Variants in ZXDC observed in about 807,000 individuals in gnomAD.
ZXDC encodes ZXD family zinc finger C.
ZXDC carries 58 observed loss-of-function variants against 63.6 expected under a neutral mutation model. The ratio of observed to expected loss-of-function variants is 0.91; its 90% CI spans 0.74 to 1.13. The LOEUF is 1.13. ZXDC is among the 50% of genes most tolerant of loss of function. ZXDC has a pLI of 0.00. For synonymous variants in ZXDC, 561 were observed against 496.1 expected, an observed-to-expected ratio of 1.13 and a Z score of -1.74; for missense variants, 1,133 against 1,148.9, an observed-to-expected ratio of 0.99 and a Z score of 0.20.
chr3:126,471,772 TAC>T (rs1560106036), intron 3 of ZXDC, among the ~76,000 whole-genome samples, 199 bp downstream of exon 3: 2 of 152,246 alleles, frequency 1.3e-5, no homozygotes, highest in East Asian at 3.9e-4. Context: ...AAAAAAAGTA[TAC>T]ACAGAAAAAA....
chr3:126,446,956 T>C (rs572080322), intron 7 of ZXDC, among the ~76,000 whole-genome samples: 1 of 152,258 alleles, frequency 6.6e-6, no homozygotes, highest in East Asian at 1.9e-4. Flanking sequence ...CCCACAATGA[T>C]CTCTTCCAGA....
chr3:126,475,406 C>G lies in ZXDC; in HGVS notation c.460G>C (p.Ala154Pro). 1 of 1,185,282 alleles carries G rather than the reference C, an allele frequency of 8.4e-7. No individual in the cohort carries two copies. The highest frequency in any genetic ancestry group is 1.0e-6 in the Non-Finnish European group (1 of 956,938). The allele number at this position is 1,185,282 out of a possible 1,614,324, so 73.4% of individuals were successfully genotyped here. A position where few individuals can be genotyped will look rare whatever the true frequency, so the allele number is the denominator to read the frequency against. ...CGGGGAGCGGCGGCGCCCGCGGTTG[C>G]GGGGCCGGGCGGCGCAGACAGCGCG... Reference protein sequence around the residue: ...VLALSAPPGPATAGAAAPRRA... With the variant: ...VLALSAPPGPPTAGAAAPRRA... The change falls in exon 1 of 10, where the codon GCA becomes CCA. Residue 154 changes from alanine (A) to proline (P), a missense_variant. Coordinates refer to ENST00000389709, the MANE Select transcript of ZXDC (RefSeq NM_025112.5).
At chr3:126,467,471 C>T (rs547707700) in intron 4 of ZXDC, among the ~76,000 whole-genome samples, 7 of 152,294 alleles carry the variant, frequency 4.6e-5, no homozygotes, top group East Asian at 1.9e-4. Flanking sequence ...GACGCACTCG[C>T]GGCACCTTCT....
At chr3:126,469,230 C>T (rs928199019) in intron 4 of ZXDC, among the ~76,000 whole-genome samples, 1 of 152,202 alleles carries the variant, frequency 6.6e-6, no homozygotes, top group Non-Finnish European at 1.5e-5. Flanking sequence ...TCCATTTATA[C>T]TCTTCTTTGA....
chr3:126,468,498 C>T (rs1459161154), intron 4 of ZXDC, among the ~76,000 whole-genome samples: 3 of 152,150 alleles, frequency 2.0e-5, no homozygotes, highest in African/African-American at 4.8e-5. Flanking sequence ...TCCATCTCCA[C>T]GTGCTGCCCA....
chr3:126,465,802 T>A (rs1934734416), intron 5 of ZXDC, among the ~76,000 whole-genome samples: 2 of 151,918 alleles, frequency 1.3e-5, no homozygotes, highest in Non-Finnish European at 2.9e-5. Flanking sequence ...AATGCAAAAA[T>A]TAGCTGGGCA....
In ZXDC at chr3:126,466,152, G is replaced by C; in HGVS notation, c.1441+3C>G. On this transcript the variant is annotated splice_donor_region_variant and intron_variant, in intron 5 of 9. Transcript: ENST00000389709. ...CCCCATGGGGGCCGTGGAAAGTGCAGACCTTGGCGCCGGCTGTGCTGTCTG... is the reference window on the plus strand; with the variant it reads ...CCCCATGGGGGCCGTGGAAAGTGCACACCTTGGCGCCGGCTGTGCTGTCTG... 6.2e-7 allele frequency: 1 copy of C among 1,612,238 alleles called. No homozygotes were observed. Among genetic ancestry groups the C allele is most frequent in the South Asian group, 1.1e-5 (1 of 91,052 alleles).
intron 7 of ZXDC, among the ~76,000 whole-genome samples, chr3:126,446,375 C>A (rs1340100546): frequency 6.6e-6 from 1 of 152,172 alleles, no homozygotes; most frequent in African/African-American, 2.4e-5. Context: ...CCATCATCTG[C>A]GGTGAATGGA....
At chr3:126,440,871 C>A (rs1933648449) in intron 8 of ZXDC, 1 of 985,668 alleles carries the variant, frequency 1.0e-6, no homozygotes, top group African/African-American at 1.7e-5. Context: ...GGTCCTGTTT[C>A]CTTGGCGAGA....
intron 7 of ZXDC, chr3:126,450,235 C>T (rs777536978): frequency 1.8e-4 from 77 of 423,334 alleles, no homozygotes; most frequent in Admixed American, 5.2e-4. Context: ...CCTGCCAGGG[C>T]TCCAACCTTG....
intron 8 of ZXDC, 132 bp from the exon 9 acceptor site, chr3:126,439,859 C>T: frequency 1.3e-5 from 19 of 1,441,846 alleles, no homozygotes; most frequent in Non-Finnish European, 1.6e-5. Flanking sequence ...CCAAGGGAGG[C>T]CCGAGGACCC....
chr3:126,464,220 T>G (rs1176572055), intron 5 of ZXDC, among the ~76,000 whole-genome samples: 1 of 152,206 alleles, frequency 6.6e-6, no homozygotes, highest in Non-Finnish European at 1.5e-5. Flanking sequence ...GGGCCAGATA[T>G]TAACACAATC....
At chr3:126,461,510 G>C (rs1357741510) in intron 6 of ZXDC, 25 bp downstream of exon 6, 8 of 1,586,840 alleles carry the variant, frequency 5.0e-6, no homozygotes, top group Admixed American at 1.7e-5. Context: ...CCTATATGGT[G>C]GTGACTGAAT....
chr3:126,438,806 C>T (rs1194454706), intron 9 of ZXDC, among the ~76,000 whole-genome samples: 4 of 152,212 alleles, frequency 2.6e-5, no homozygotes, highest in Admixed American at 1.3e-4. Context: ...GGTGTCCGTC[C>T]GCCTGTGCCC....
In ZXDC at chr3:126,449,610, G is replaced by T. The variant is rs575231659; in HGVS notation, c.2213-7664C>A. Reference sequence around the variant, plus strand: ...CTCTACAAATCATCGCTCTGGCTGTGTGTGGCAAAGTCAATTCCATTTCTT... The same window carrying T: ...CTCTACAAATCATCGCTCTGGCTGTTTGTGGCAAAGTCAATTCCATTTCTT... On this transcript the variant is annotated intron_variant, in intron 7 of 9. Coordinates refer to ENST00000389709, the MANE Select transcript of ZXDC (RefSeq NM_025112.5). Among the ~76,000 whole-genome samples, 134 of 152,220 alleles carry T rather than the reference G, an allele frequency of 8.8e-4. 1 individual carries two copies. Among genetic ancestry groups the T allele is most frequent in the Non-Finnish European group, 1.7e-3 (114 of 68,038 alleles).
chr3:126,467,842 C>T (rs1934833299), intron 4 of ZXDC, among the ~76,000 whole-genome samples: 1 of 152,146 alleles, frequency 6.6e-6, no homozygotes, highest in African/African-American at 2.4e-5. Flanking sequence ...AGGCTCTGAG[C>T]ACATCTTCTG....
In ZXDC at chr3:126,461,647, A is replaced by G. The variant is rs1265473622; in HGVS notation, c.2015T>C (p.Val672Ala). 6.2e-7 allele frequency: 1 copy of G among 1,613,386 alleles called. No homozygotes were observed. The highest frequency in any genetic ancestry group is 8.5e-7 in the Non-Finnish European group (1 of 1,179,956). ...CCCATGGCTTCCTTCCTGCTGCCCA[A>G]CTGCTCCTGGGCGAGAAGGCGAGTC... ...EPDSPSRPGA[V>A]GQQEGSHGLP... The change falls in exon 6 of 10, where the codon GTT becomes GCT. Residue 672 changes from valine to alanine, a missense_variant. Coordinates refer to ENST00000389709, the MANE Select transcript of ZXDC (RefSeq NM_025112.5).
intron 7 of ZXDC, among the ~76,000 whole-genome samples, chr3:126,450,914 G>A (rs1049407386): frequency 6.6e-6 from 1 of 152,192 alleles, no homozygotes; most frequent in African/African-American, 2.4e-5. Context: ...AAGCCAGGGC[G>A]ACACCAGGCT....
intron 6 of ZXDC, 115 bp downstream of exon 6, chr3:126,461,420 G>A: frequency 1.4e-6 from 2 of 1,443,460 alleles, no homozygotes; most frequent in Non-Finnish European, 9.1e-7. Flanking sequence ...GTCCAGGGCT[G>A]CGTCCTTTTG....
Sources: gnomAD v4.1 joint callset for allele counts (sites outside exome capture counted in the v4.1 genomes callset) on GRCh38, gnomAD v4.1.1 for gene constraint, MANE v1.5 for transcripts, NCBI Gene and HGNC (gene_info 2026-07-23, HGNC 2026-07-21) for gene names.